Variants in PLCXD3 observed in about 807,000 individuals in gnomAD.
The protein encoded by PLCXD3 is phosphatidylinositol specific phospholipase C X domain containing 3.
Under a neutral mutation model 25.5 loss-of-function variants are expected in PLCXD3, and 19 were observed. That is an observed-to-expected ratio of 0.75 (90% CI 0.52 to 1.09). The LOEUF is 1.09. Among genes scored for constraint, PLCXD3 ranks in the 50% least tolerant of loss-of-function variants. The probability of loss-of-function intolerance (pLI) is 0.00; values close to 1 mark genes in which losing one functional copy is unlikely to be tolerated. For missense variants in PLCXD3, 411 were observed against 388.1 expected, an observed-to-expected ratio of 1.06 and a Z score of -0.50; for synonymous variants, 174 against 137.6, an observed-to-expected ratio of 1.26 and a Z score of -1.85.
At chr5:41,440,187 A>C (rs1465675725) in intron 1 of PLCXD3, among the ~76,000 whole-genome samples, 2 of 142,584 alleles carry the variant, frequency 1.4e-5, no homozygotes, top group Non-Finnish European at 3.0e-5. Context: ...TTAGCTATAC[A>C]GTTCTGAGCA....
intron 1 of PLCXD3, among the ~76,000 whole-genome samples, chr5:41,455,410 G>A (rs889309665): frequency 1.3e-5 from 2 of 151,828 alleles, no homozygotes; most frequent in African/African-American, 4.8e-5. Context: ...AAATATGATT[G>A]ACAAGTTTAA....
intron 2 of PLCXD3, among the ~76,000 whole-genome samples, chr5:41,349,203 G>A (rs180951447): frequency 3.3e-4 from 50 of 152,202 alleles, no homozygotes; most frequent in African/African-American, 1.1e-3. Context: ...TTCTTAGGTT[G>A]GGTCTTTTGT....
At chr5:41,424,868 T>C (rs563335818) in intron 1 of PLCXD3, among the ~76,000 whole-genome samples, 2 of 152,314 alleles carry the variant, frequency 1.3e-5, no homozygotes, top group Non-Finnish European at 1.5e-5. Context: ...GTATTCTATA[T>C]TATCATCAAG....
chr5:41,470,945 T>C (rs1748142522), intron 1 of PLCXD3, among the ~76,000 whole-genome samples: 1 of 152,092 alleles, frequency 6.6e-6, no homozygotes, highest in African/African-American at 2.4e-5. Flanking sequence ...GTAGTTAAAG[T>C]GATGAAAACA....
chr5:41,438,221 TG>T (rs1747300767), intron 1 of PLCXD3, among the ~76,000 whole-genome samples: 1 of 152,172 alleles, frequency 6.6e-6, no homozygotes, highest in Non-Finnish European at 1.5e-5. Context: ...CACTTTTAAG[TG>T]AAAAAGTATT....
intron 2 of PLCXD3, among the ~76,000 whole-genome samples, chr5:41,380,679 G>A (rs1227115348): frequency 6.6e-6 from 1 of 151,998 alleles, no homozygotes. Context: ...TTCATCTTTT[G>A]TCTTTTTCCA....
intron 2 of PLCXD3, among the ~76,000 whole-genome samples, chr5:41,357,954 T>C (rs538099137): frequency 1.3e-5 from 2 of 152,320 alleles, no homozygotes; most frequent in East Asian, 3.9e-4. Context: ...ACCTAATTAT[T>C]CTCAATGATA....
chr5:41,417,049 C>T (rs956073775), intron 1 of PLCXD3, among the ~76,000 whole-genome samples: 3 of 152,122 alleles, frequency 2.0e-5, no homozygotes, highest in Non-Finnish European at 2.9e-5. Flanking sequence ...TTTCTCTTTT[C>T]TTCTCAAATC....
At chr5:41,440,999 G>A (rs984039238) in intron 1 of PLCXD3, among the ~76,000 whole-genome samples, 1 of 152,194 alleles carries the variant, frequency 6.6e-6, no homozygotes, top group Non-Finnish European at 1.5e-5. Context: ...AGACAGAGTG[G>A]ACTTCAGGCC....
At position 41,498,398 on chromosome 5, in the gene PLCXD3, CA is replaced by C. The variant is rs77806997; in HGVS notation, c.103+12025del. Among the ~76,000 whole-genome samples, 472 of 151,250 alleles carry C rather than the reference CA, an allele frequency of 3.1e-3. 2 individuals are homozygous for C. Among genetic ancestry groups the C allele is most frequent in the Non-Finnish European group, 4.2e-3 (284 of 67,486 alleles). ...GATGCTACTATAAACAATTATATACCAAAAAAATGGGATAAACCAGAGGAAA... is the reference window on the plus strand; with the variant it reads ...GATGCTACTATAAACAATTATATACCAAAAAATGGGATAAACCAGAGGAAA... On this transcript the variant is annotated intron_variant, in intron 1 of 2. Coordinates refer to ENST00000377801, the MANE Select transcript of PLCXD3 (RefSeq NM_001005473.3).
intron 2 of PLCXD3, among the ~76,000 whole-genome samples, chr5:41,372,920 T>C (rs1370119934): frequency 6.6e-6 from 1 of 152,036 alleles, no homozygotes; most frequent in Non-Finnish European, 1.5e-5. Context: ...GGCATACACC[T>C]GTAATCTCAG....
In PLCXD3 at chr5:41,311,998, T is replaced by G. The variant is rs560543208; in HGVS notation, c.*1619A>C. ...ATTTCTAAACATGAAAATAAAATAATTAATAATTGTAAGAATTTCATCAAA... is the reference window on the plus strand; with the variant it reads ...ATTTCTAAACATGAAAATAAAATAAGTAATAATTGTAAGAATTTCATCAAA... On this transcript the variant is annotated 3_prime_UTR_variant, in exon 3 of 3. Coordinates refer to ENST00000377801, the MANE Select transcript of PLCXD3 (RefSeq NM_001005473.3). 3.4e-4 allele frequency: 52 copies of G among 152,652 alleles called. No homozygotes were observed. Among genetic ancestry groups the G allele is most frequent in the African/African-American group, 1.2e-3 (51 of 41,558 alleles). 9.5% of individuals were successfully genotyped at this position (152,652 alleles called of 1,614,324 possible). A position where few individuals can be genotyped will look rare whatever the true frequency, so the allele number is the denominator to read the frequency against.
At chr5:41,495,314 T>C (rs1748809844) in intron 1 of PLCXD3, among the ~76,000 whole-genome samples, 1 of 152,200 alleles carries the variant, frequency 6.6e-6, no homozygotes, top group African/African-American at 2.4e-5. Context: ...ATTCTAAATG[T>C]CTGGTGGTCA....
In PLCXD3 at chr5:41,393,885, G is replaced by A. The variant is rs181603681; in HGVS notation, c.104-11351C>T. ...GCAGAGCTTGCAGTGAGCCGAGATCGCACCACTACACTCCAGTCTGGGTGA... is the reference window on the plus strand; with the variant it reads ...GCAGAGCTTGCAGTGAGCCGAGATCACACCACTACACTCCAGTCTGGGTGA... On this transcript the variant is annotated intron_variant, in intron 1 of 2. Coordinates refer to ENST00000377801, the MANE Select transcript of PLCXD3 (RefSeq NM_001005473.3). 4.4e-4 allele frequency among the ~76,000 whole-genome samples: 67 copies of A among 151,976 alleles called. 2 individuals are homozygous for A. Among genetic ancestry groups the A allele is most frequent in the Middle Eastern group, 3.4e-3 (1 of 294 alleles).
intron 1 of PLCXD3, among the ~76,000 whole-genome samples, chr5:41,425,906 C>T (rs920866510): frequency 6.6e-6 from 1 of 152,150 alleles, no homozygotes; most frequent in Non-Finnish European, 1.5e-5. Flanking sequence ...AATAAAGCTG[C>T]TATAAACATC....
intron 1 of PLCXD3, among the ~76,000 whole-genome samples, chr5:41,454,250 C>A (rs1445865913): frequency 6.6e-6 from 1 of 151,974 alleles, no homozygotes; most frequent in Non-Finnish European, 1.5e-5. Context: ...TGACTGGTGT[C>A]CTGTCTTAGT....
At chr5:41,460,387 T>C (rs1161968836) in intron 1 of PLCXD3, among the ~76,000 whole-genome samples, 1 of 151,986 alleles carries the variant, frequency 6.6e-6, no homozygotes, top group Non-Finnish European at 1.5e-5. Flanking sequence ...AATACAAATG[T>C]GTTCCTCATC....
Position 41,510,575 on chromosome 5 carries a change from C to T in PLCXD3, c.-49G>A, listed in dbSNP as rs1739036787. The T allele has an allele frequency of 2.0e-6, 3 of 1,465,992 alleles. No homozygotes were observed. The highest frequency in any genetic ancestry group is 2.8e-6 in the Non-Finnish European group (3 of 1,056,196). The allele number at this position is 1,465,992 out of a possible 1,614,324, so 90.8% of individuals were successfully genotyped here. A position where few individuals can be genotyped will look rare whatever the true frequency, so the allele number is the denominator to read the frequency against. On this transcript the variant is annotated 5_prime_UTR_variant, in exon 1 of 3. Transcript: ENST00000377801. Reference sequence around the variant, plus strand: ...CTGGTCCCAGCACTCCTCGGGCAGGCTGGCAGGCTGCTGCCGCTAATCCAA... The same window carrying T: ...CTGGTCCCAGCACTCCTCGGGCAGGTTGGCAGGCTGCTGCCGCTAATCCAA...
At chr5:41,506,483 T>C (rs1258922791) in intron 1 of PLCXD3, among the ~76,000 whole-genome samples, 1 of 152,162 alleles carries the variant, frequency 6.6e-6, no homozygotes, top group African/African-American at 2.4e-5. Flanking sequence ...CACTAATAAA[T>C]GGGGTAGGAG....
Sources: allele counts gnomAD v4.1 joint callset (sites outside exome capture counted in the v4.1 genomes callset), GRCh38; gene constraint gnomAD v4.1.1; transcripts MANE v1.5; gene names NCBI Gene and HGNC (gene_info 2026-07-23, HGNC 2026-07-21).